The following EXOC4 variants were observed in gnomAD, a reference collection of about 807,000 sequenced individuals.
EXOC4 encodes SEC8-like 1.
EXOC4 carries 71 observed loss-of-function variants against 107.2 expected under a neutral mutation model. That is an observed-to-expected ratio of 0.66 (90% confidence interval 0.55 to 0.81). The LOEUF (loss-of-function observed/expected upper bound fraction) is 0.81. Among genes scored for constraint, EXOC4 ranks in the 30% least tolerant of loss-of-function variants. The probability of loss-of-function intolerance (pLI) is 0.00; values close to 1 mark genes in which losing one functional copy is unlikely to be tolerated. For synonymous variants in EXOC4, 456 were observed against 441.2 expected (o/e 1.03, Z -0.42); for missense variants, 1,108 against 1,189.6 (o/e 0.93, Z 1.01).
intron 11 of EXOC4, among the ~76,000 whole-genome samples, chr7:133,824,251 C>G (rs1222487154): frequency 2.0e-5 from 3 of 151,904 alleles, no homozygotes; most frequent in Admixed American, 6.6e-5. Flanking sequence ...TCTGCGTTGA[C>G]TGCTTTGATG....
At chr7:133,921,091 G>A (rs1315549108) in intron 13 of EXOC4, among the ~76,000 whole-genome samples, 2 of 152,186 alleles carry the variant, frequency 1.3e-5, no homozygotes, top group African/African-American at 4.8e-5. Context: ...GCAGAACAAG[G>A]AAAGTCAGTG....
At chr7:133,377,992 A>G (rs1211704152) in intron 7 of EXOC4, among the ~76,000 whole-genome samples, 2 of 151,848 alleles carry the variant, frequency 1.3e-5, no homozygotes, top group Non-Finnish European at 2.9e-5. Context: ...TGTCACCACT[A>G]GACTTTCACT....
At chr7:133,795,368 G>A (rs1384459362) in intron 10 of EXOC4, among the ~76,000 whole-genome samples, 1 of 152,134 alleles carries the variant, frequency 6.6e-6, no homozygotes, top group East Asian at 1.9e-4. Context: ...TGGCCTTTGG[G>A]AATGAATATT....
intron 17 of EXOC4, among the ~76,000 whole-genome samples, chr7:134,045,616 A>G (rs1171684995): frequency 6.6e-6 from 1 of 152,232 alleles, no homozygotes; most frequent in African/African-American, 2.4e-5. Flanking sequence ...CAGCTTTATC[A>G]AGATATAATT....
intron 7 of EXOC4, among the ~76,000 whole-genome samples, chr7:133,471,777 G>A (rs898133396): frequency 1.3e-5 from 2 of 152,098 alleles, no homozygotes; most frequent in African/African-American, 4.8e-5. Flanking sequence ...TGGCCCTATG[G>A]TGGAAGTAAA....
intron 10 of EXOC4, among the ~76,000 whole-genome samples, chr7:133,661,542 A>G (rs1793679410): frequency 6.6e-6 from 1 of 152,024 alleles, no homozygotes; most frequent in Non-Finnish European, 1.5e-5. Flanking sequence ...GGGGCTGTAT[A>G]TTTGTAAAAT....
chr7:134,014,219 C>T (rs747535927), intron 17 of EXOC4, among the ~76,000 whole-genome samples: 3 of 152,002 alleles, frequency 2.0e-5, no homozygotes, highest in Non-Finnish European at 4.4e-5. Flanking sequence ...CTGGCTAACA[C>T]GATAAAACCC....
In EXOC4 at chr7:133,960,251, T is replaced by C. The variant is rs557600261; in HGVS notation, c.2206+22182T>C. On this transcript the variant is annotated intron_variant, in intron 14 of 17. Transcript: ENST00000253861. ...GGAGTTGAGTACTTTAAACAACGAA[T>C]AAAACTGTTATAAGGAATTTAGCAT... Among the ~76,000 whole-genome samples the C allele has an allele frequency of 2.6e-5, 4 of 152,348 alleles. No homozygotes were observed. In the South Asian group the frequency reaches 8.3e-4, roughly 32 times the overall value.
chr7:134,015,873 CAA>C (rs55846835), intron 17 of EXOC4, among the ~76,000 whole-genome samples: 23,985 of 109,728 alleles, frequency 0.22, 2,008 homozygotes, highest in Middle Eastern at 0.3. Context: ...GACTCCGTCT[CAA>C]AAAAAAAAAA....
chr7:133,778,821 A>G (rs1416736471), intron 10 of EXOC4, among the ~76,000 whole-genome samples: 1 of 152,112 alleles, frequency 6.6e-6, no homozygotes, highest in Non-Finnish European at 1.5e-5. Context: ...CTTTTAATTT[A>G]GTTCTACTAA....
the EXOC4 span, among the ~76,000 whole-genome samples, chr7:134,096,687 T>C: frequency 6.6e-6 from 1 of 152,122 alleles, no homozygotes; most frequent in Non-Finnish European, 1.5e-5. Flanking sequence ...TAGAGTCTGA[T>C]GTTCAAGGGC....
chr7:134,095,669 C>T, the EXOC4 span, among the ~76,000 whole-genome samples: 32 of 152,092 alleles, frequency 2.1e-4, 1 homozygote, highest in Non-Finnish European at 4.4e-5. Flanking sequence ...TAAAGCTGCA[C>T]ACCTATGGCC....
chr7:133,961,148 G>C (rs1800933694), intron 14 of EXOC4, among the ~76,000 whole-genome samples: 1 of 152,120 alleles, frequency 6.6e-6, no homozygotes, highest in Non-Finnish European at 1.5e-5. Context: ...ATGTGAGAAA[G>C]ACTCAACCCT....
chr7:133,413,574 A>G (rs1321337210), intron 7 of EXOC4, among the ~76,000 whole-genome samples: 1 of 152,124 alleles, frequency 6.6e-6, no homozygotes, highest in Non-Finnish European at 1.5e-5. Flanking sequence ...GGCTCAAGTG[A>G]TGGAAGTGCA....
chr7:133,539,790 T>C (rs1437344843), intron 9 of EXOC4, among the ~76,000 whole-genome samples: 1 of 152,126 alleles, frequency 6.6e-6, no homozygotes, highest in East Asian at 1.9e-4. Flanking sequence ...CCTGAATTTT[T>C]TAGTTGGTCT....
intron 10 of EXOC4, among the ~76,000 whole-genome samples, chr7:133,811,342 A>C (rs1797225881): frequency 6.6e-6 from 1 of 152,178 alleles, no homozygotes. Context: ...CCATAGAGCT[A>C]ATGAGGAGCA....
At chr7:133,319,709 G>A (rs1795068566) in intron 5 of EXOC4, among the ~76,000 whole-genome samples, 1 of 152,030 alleles carries the variant, frequency 6.6e-6, no homozygotes, top group Non-Finnish European at 1.5e-5. Context: ...TCAAACTCCT[G>A]ACCTCAGGTA....
chr7:133,804,085 C>T (rs540392735), intron 10 of EXOC4, among the ~76,000 whole-genome samples: 2 of 152,084 alleles, frequency 1.3e-5, no homozygotes, highest in African/African-American at 4.8e-5. Flanking sequence ...TACTGTCTTC[C>T]AAGTAGGAAA....
intron 10 of EXOC4, among the ~76,000 whole-genome samples, chr7:133,641,932 ACGAGGATT>A (rs1802865944): frequency 6.6e-6 from 1 of 152,212 alleles, no homozygotes; most frequent in Non-Finnish European, 1.5e-5. Flanking sequence ...GAAAATTGAT[ACGAGGATT>A]TCACTGAAGA....
Sources: allele counts gnomAD v4.1 joint callset (sites outside exome capture counted in the v4.1 genomes callset), GRCh38; gene constraint gnomAD v4.1.1; transcripts MANE v1.5; gene names NCBI Gene and HGNC (gene_info 2026-07-23, HGNC 2026-07-21).